The following CTNND2 variants were observed in gnomAD, a reference collection of about 807,000 sequenced individuals.
The protein encoded by CTNND2 is catenin delta-2.
In CTNND2, 22 loss-of-function variants were observed where a neutral mutation model predicts 144.4. That is an observed-to-expected ratio of 0.15 (90% CI 0.11 to 0.22). The LOEUF is 0.22. Ranked by LOEUF, CTNND2 falls within the 10% of genes least tolerant of loss-of-function variation. CTNND2 has a pLI of 1.00. For missense variants in CTNND2, 1,353 were observed against 1,618.8 expected (o/e 0.84, Z 2.82); for synonymous variants, 751 against 695.6 (o/e 1.08, Z -1.25).
At chr5:11,131,623 T>C (rs1004834889) in intron 12 of CTNND2, among the ~76,000 whole-genome samples, 1 of 151,958 alleles carries the variant, frequency 6.6e-6, no homozygotes, top group Non-Finnish European at 1.5e-5. Context: ...CCGTCTCTAC[T>C]AAAAAAATAA....
intron 2 of CTNND2, among the ~76,000 whole-genome samples, chr5:11,625,795 A>G (rs1371048767): frequency 6.6e-6 from 1 of 152,146 alleles, no homozygotes; most frequent in African/African-American, 2.4e-5. Flanking sequence ...AGATAGGTAA[A>G]TTATTTGAAT....
At chr5:11,316,116 A>C (rs1751446387) in intron 9 of CTNND2, among the ~76,000 whole-genome samples, 1 of 152,220 alleles carries the variant, frequency 6.6e-6, no homozygotes, top group African/African-American at 2.4e-5. Flanking sequence ...AAAAACAAAA[A>C]CAAAAAATCT....
intron 16 of CTNND2, among the ~76,000 whole-genome samples, chr5:11,060,361 ACAGGGATTCAT>A: frequency 6.6e-6 from 1 of 152,182 alleles, no homozygotes; most frequent in East Asian, 1.9e-4. Flanking sequence ...GGTCCTGTGC[ACAGGGATTCAT>A]CAAGTCCCAG....
rs145437026 is a variant in CTNND2, at chr5:11,664,257, C to T, written c.174+67879G>A. On this transcript the variant is annotated intron_variant, in intron 2 of 21. Coordinates refer to ENST00000304623, the MANE Select transcript of CTNND2 (RefSeq NM_001332.4). ...CACTTCTGTGTCATACCTTGACAAA[C>T]ATTAAGAGTTTTCAGGGCTGACTGT... Among the ~76,000 whole-genome samples the T allele has an allele frequency of 3.2e-4, 49 of 152,226 alleles. 1 individual carries two copies. Among genetic ancestry groups the T allele is most frequent in the African/African-American group, 9.6e-4 (40 of 41,548 alleles).
chr5:11,168,824 A>G (rs865841471), intron 11 of CTNND2, among the ~76,000 whole-genome samples: 31 of 152,192 alleles, frequency 2.0e-4, no homozygotes, highest in Admixed American at 7.2e-4. Context: ...GGAGAGAGAG[A>G]AAGTGAAAGA....
intron 12 of CTNND2, among the ~76,000 whole-genome samples, chr5:11,117,850 A>T (rs1329218303): frequency 6.6e-6 from 1 of 152,218 alleles, no homozygotes; most frequent in Non-Finnish European, 1.5e-5. Flanking sequence ...GGGGACCTTC[A>T]GAAAGTCTTC....
Position 11,272,406 on chromosome 5 carries a change from A to T in CTNND2, c.1629-35583T>A, listed in dbSNP as rs998899750. Among the ~76,000 whole-genome samples, 10 of 152,270 alleles carry T rather than the reference A, an allele frequency of 6.6e-5. No homozygotes were observed. The East Asian group carries it at 1.3e-3, about 21-fold the overall frequency. ...GAATATATTATTTTAGGAAAGATAA[A>T]TGTTTCTAAATCAGTGTTTGACATG... On this transcript the variant is annotated intron_variant, in intron 9 of 21. Coordinates refer to ENST00000304623, the MANE Select transcript of CTNND2 (RefSeq NM_001332.4).
intron 1 of CTNND2, among the ~76,000 whole-genome samples, chr5:11,776,612 C>T (rs1203651757): frequency 6.6e-6 from 1 of 152,112 alleles, no homozygotes; most frequent in Non-Finnish European, 1.5e-5. Flanking sequence ...CACTGAGACT[C>T]AGAAATACTA....
Position 11,142,758 on chromosome 5 carries a change from C to T in CTNND2, c.2159+16818G>A, listed in dbSNP as rs530846068. Among the ~76,000 whole-genome samples, 106 of 151,894 alleles carry T rather than the reference C, an allele frequency of 7.0e-4. 2 individuals carry two copies. The highest frequency in any genetic ancestry group is 2.4e-3 in the African/African-American group (100 of 41,394). ...CCTCCCGTGTAGCTGGGACTACAGG[C>T]GCGCGCCACCATGCCCGGCTAATTT... On this transcript the variant is annotated intron_variant, in intron 12 of 21. Transcript: ENST00000304623.
At chr5:11,374,285 G>A (rs985454802) in intron 7 of CTNND2, among the ~76,000 whole-genome samples, 2 of 152,152 alleles carry the variant, frequency 1.3e-5, no homozygotes, top group Non-Finnish European at 2.9e-5. Context: ...TCTTTGTACA[G>A]AAGAACAACA....
chr5:11,054,031 C>T (rs1051293798), intron 16 of CTNND2, among the ~76,000 whole-genome samples: 10 of 152,218 alleles, frequency 6.6e-5, no homozygotes, highest in Non-Finnish European at 1.3e-4. Flanking sequence ...GGCATCATCA[C>T]AATAGGCTGG....
intron 1 of CTNND2, among the ~76,000 whole-genome samples, chr5:11,823,671 G>T (rs928837743): frequency 1.3e-5 from 2 of 152,044 alleles, no homozygotes; most frequent in Non-Finnish European, 2.9e-5. Flanking sequence ...TAAGGGAAAG[G>T]TATTATTCAT....
intron 9 of CTNND2, among the ~76,000 whole-genome samples, chr5:11,338,797 T>C (rs1302288396): frequency 6.6e-6 from 1 of 152,216 alleles, no homozygotes; most frequent in African/African-American, 2.4e-5. Context: ...TTACTTTCTT[T>C]TAAACTGATA....
intron 11 of CTNND2, among the ~76,000 whole-genome samples, chr5:11,182,092 T>G (rs2149801754): frequency 1.7e-5 from 2 of 115,662 alleles, no homozygotes; most frequent in African/African-American, 3.4e-5. Context: ...ATGTGTGGGG[T>G]GTGTGTGGAT....
chr5:11,544,567 T>C (rs998422191), intron 3 of CTNND2, among the ~76,000 whole-genome samples: 6 of 152,234 alleles, frequency 3.9e-5, no homozygotes, highest in Non-Finnish European at 8.8e-5. Context: ...AATATGCAAA[T>C]TGTGTTACAT....
chr5:11,526,914 A>G (rs55912602), intron 3 of CTNND2, among the ~76,000 whole-genome samples: 125,345 of 151,690 alleles, frequency 0.83, 52,052 homozygotes, highest in African/African-American at 0.9. Context: ...GTGAAAAAGA[A>G]AATAAAATTC....
At position 11,540,872 on chromosome 5, in the gene CTNND2, A is replaced by T. The variant is rs1774667304; in HGVS notation, c.287+24072T>A. ...CTTACCTCTAGTATGAGAGTTAAGT[A>T]AGTTAACTCATCAACAAGTGCTTTG... On this transcript the variant is annotated intron_variant, in intron 3 of 21. Coordinates refer to ENST00000304623, the MANE Select transcript of CTNND2 (RefSeq NM_001332.4). Among the ~76,000 whole-genome samples the T allele has an allele frequency of 3.3e-5, 5 of 152,206 alleles. No individual in the cohort carries two copies. The South Asian group carries it at 1.0e-3, about 32-fold the overall frequency.
chr5:11,605,024 G>A (rs1019632553), intron 2 of CTNND2, among the ~76,000 whole-genome samples: 1 of 152,148 alleles, frequency 6.6e-6, no homozygotes, highest in African/African-American at 2.4e-5. Flanking sequence ...TCCTTGGAGA[G>A]GTTGCTGAAC....
At chr5:11,067,439 C>T (rs1747736436) in intron 16 of CTNND2, among the ~76,000 whole-genome samples, 1 of 152,220 alleles carries the variant, frequency 6.6e-6, no homozygotes, top group Non-Finnish European at 1.5e-5. Flanking sequence ...TAAACAGAGA[C>T]ACAGCTTCAA....
Sources: gnomAD v4.1 joint callset for allele counts (sites outside exome capture counted in the v4.1 genomes callset) on GRCh38, gnomAD v4.1.1 for gene constraint, MANE v1.5 for transcripts, NCBI Gene and HGNC (gene_info 2026-07-23, HGNC 2026-07-21) for gene names.